DSE: variants seen among roughly 807,000 people sequenced by gnomAD.
DSE encodes dermatan sulfate epimerase, also known as dermatan-sulfate epimerase.
A neutral mutation model predicts 84.4 loss-of-function variants in DSE; 36 were observed. That is an observed-to-expected ratio of 0.43 (90% confidence interval 0.33 to 0.56). The LOEUF is 0.56. DSE is among the 20% of genes least tolerant of loss of function. The pLI is 0.06. For missense variants in DSE, 862 were observed against 1,169.6 expected (o/e 0.74, Z 3.84); for synonymous variants, 410 against 430.1 (o/e 0.95, Z 0.58).
chr6:116,281,885 T>C (rs1194109497), intron 2 of DSE, among the ~76,000 whole-genome samples: 1 of 152,258 alleles, frequency 6.6e-6, no homozygotes, highest in African/African-American at 2.4e-5. Context: ...TGCTCTATTC[T>C]ATATAGTAAC....
intron 2 of DSE, among the ~76,000 whole-genome samples, chr6:116,423,983 T>C (rs930447413): frequency 1.3e-5 from 2 of 152,224 alleles, no homozygotes; most frequent in Non-Finnish European, 2.9e-5. Flanking sequence ...TAACATTTCA[T>C]GAAGGATGAG....
intron 2 of DSE, among the ~76,000 whole-genome samples, chr6:116,315,545 G>A (rs2079758011): frequency 6.6e-6 from 1 of 152,114 alleles, no homozygotes; most frequent in Non-Finnish European, 1.5e-5. Flanking sequence ...TGTTCACCAA[G>A]ATAGTAGTGG....
intron 2 of DSE, chr6:116,279,973 T>C: frequency 8.2e-7 from 1 of 1,216,566 alleles, no homozygotes; most frequent in Non-Finnish European, 1.2e-6. Context: ...GATCTCACGG[T>C]ATCGCGAGAA....
chr6:116,414,446 C>T lies in DSE; in HGVS notation c.417-12128C>T, dbSNP rs141239061. 2.6e-5 allele frequency among the ~76,000 whole-genome samples: 4 copies of T among 151,354 alleles called. No individual in the cohort carries two copies. In the East Asian group the frequency reaches 5.8e-4, roughly 22 times the overall value. On this transcript the variant is annotated intron_variant, in intron 2 of 5. Coordinates refer to ENST00000644252, the MANE Select transcript of DSE (RefSeq NM_013352.4). ...TTTTTTTTTTAGGTGGAGTTTCGCT[C>T]TTGTTGCCCAGGATGGAGTGCAATG...
rs202185400 is a variant in DSE, at chr6:116,426,866, G to A, written c.670+39G>A. 4.3e-5 allele frequency: 68 copies of A among 1,574,380 alleles called. No homozygotes were observed. In the East Asian group the frequency reaches 8.8e-4, roughly 20 times the overall value. ...CAGCCAAGGTGATGCCTGAGCTGAC[G>A]GAAGTCATAGTTGCCATGTTGTGAG... On this transcript the variant is annotated intron_variant, in intron 3 of 5. Transcript: ENST00000644252.
intron 2 of DSE, among the ~76,000 whole-genome samples, chr6:116,297,237 C>G (rs1774726637): frequency 6.6e-6 from 1 of 152,112 alleles, no homozygotes; most frequent in Non-Finnish European, 1.5e-5. Flanking sequence ...CCGTCCTTAG[C>G]TAAAGTCAGA....
At chr6:116,353,645 G>A (rs1778435346) in intron 2 of DSE, among the ~76,000 whole-genome samples, 1 of 152,270 alleles carries the variant, frequency 6.6e-6, no homozygotes, top group Admixed American at 6.5e-5. Context: ...GATTTGGGGA[G>A]GCTAAGTAAA....
At chr6:116,289,331 A>AT (rs542698456) in intron 2 of DSE, among the ~76,000 whole-genome samples, 45 of 152,048 alleles carry the variant, frequency 3.0e-4, no homozygotes, top group Non-Finnish European at 5.9e-4. Context: ...AATCATAGTG[A>AT]TTTGTTTGTT....
intron 1 of DSE, chr6:116,256,165 T>C (rs1255412352): frequency 6.6e-6 from 1 of 152,252 alleles, no homozygotes; most frequent in Non-Finnish European, 1.5e-5. Flanking sequence ...CCTTCCTTAA[T>C]TACTTGCCAT....
intron 2 of DSE, among the ~76,000 whole-genome samples, chr6:116,421,507 C>G (rs555287485): frequency 9.2e-6 from 1 of 108,964 alleles, no homozygotes; most frequent in African/African-American, 3.8e-5. Context: ...CAGGGTCTCA[C>G]TGTGTCACCC....
At chr6:116,371,367 C>T (rs1779555990) in intron 1 of DSE, among the ~76,000 whole-genome samples, 1 of 152,226 alleles carries the variant, frequency 6.6e-6, no homozygotes, top group Admixed American at 6.5e-5. Flanking sequence ...CGAGGGGCAG[C>T]TTTTCGATCC....
At chr6:116,269,464 C>T (rs1772786106) in intron 2 of DSE, among the ~76,000 whole-genome samples, 1 of 151,982 alleles carries the variant, frequency 6.6e-6, no homozygotes. Context: ...AGTTGAGAAA[C>T]AAAAGTCATC....
intron 3 of DSE, 136 bp downstream of exon 3, chr6:116,426,963 G>A: frequency 8.6e-7 from 1 of 1,159,536 alleles, no homozygotes. Flanking sequence ...AAATGAAGTA[G>A]TCCCTACAGT....
At chr6:116,349,567 G>A (rs370381963) in intron 2 of DSE, among the ~76,000 whole-genome samples, 6 of 152,320 alleles carry the variant, frequency 3.9e-5, no homozygotes, top group Admixed American at 3.9e-4. Flanking sequence ...TAGTAGAGCA[G>A]TTGGCTTTCC....
At chr6:116,332,639 T>G (rs1777019917) in intron 2 of DSE, among the ~76,000 whole-genome samples, 1 of 152,038 alleles carries the variant, frequency 6.6e-6, no homozygotes. Context: ...ATAAATTAAG[T>G]GTTTATATAT....
chr6:116,291,478 A>G (rs1774276721), intron 2 of DSE, among the ~76,000 whole-genome samples: 1 of 151,980 alleles, frequency 6.6e-6, no homozygotes, highest in Admixed American at 6.6e-5. Flanking sequence ...GCTTGAGGAA[A>G]TGACTGAAAG....
At chr6:116,321,570 G>A (rs1193458145) in intron 2 of DSE, among the ~76,000 whole-genome samples, 2 of 152,048 alleles carry the variant, frequency 1.3e-5, no homozygotes, top group Non-Finnish European at 2.9e-5. Context: ...GGTGGATCAC[G>A]AGTTCAGGCA....
chr6:116,395,723 T>A (rs1022051758), intron 1 of DSE, among the ~76,000 whole-genome samples: 1 of 152,226 alleles, frequency 6.6e-6, no homozygotes, highest in African/African-American at 2.4e-5. Flanking sequence ...TTGGTCCACC[T>A]AAAATTATCT....
chr6:116,399,129 A>T, intron 1 of DSE, 69 bp from the exon 2 acceptor site: 1 of 1,282,226 alleles, frequency 7.8e-7, no homozygotes, highest in Non-Finnish European at 1.1e-6. Flanking sequence ...TCTACCTCTT[A>T]TATGTTTCCA....
Sources: allele counts gnomAD v4.1 joint callset (sites outside exome capture counted in the v4.1 genomes callset), GRCh38; gene constraint gnomAD v4.1.1; transcripts MANE v1.5; gene names NCBI Gene and HGNC (gene_info 2026-07-23, HGNC 2026-07-21).